ASH1L: variants seen among roughly 807,000 people sequenced by gnomAD.
The protein encoded by ASH1L is ASH1 like histone lysine methyltransferase, also known as histone-lysine N-methyltransferase ASH1L.
ASH1L carries 23 observed loss-of-function variants against 269.0 expected under a neutral mutation model. That is an observed-to-expected ratio of 0.09 (90% CI 0.06 to 0.12). ASH1L has a LOEUF of 0.12. ASH1L is among the 10% of genes least tolerant of loss of function. ASH1L has a pLI of 1.00. For missense variants in ASH1L, 2,912 were observed against 3,567.8 expected (o/e 0.82, Z 4.68); for synonymous variants, 1,187 against 1,253.5 (o/e 0.95, Z 1.12).
chr1:155,357,119 A>ACACACACACACAC (rs1558027201), intron 15 of ASH1L, among the ~76,000 whole-genome samples, 197 bp downstream of exon 15: 2 of 109,256 alleles, frequency 1.8e-5, no homozygotes, highest in South Asian at 3.7e-4. Context: ...ACACACACAC[A>ACACACACACACAC]AAAGGGTAAG....
intron 2 of ASH1L, among the ~76,000 whole-genome samples, chr1:155,518,898 C>A (rs1316601339): frequency 6.6e-6 from 1 of 152,024 alleles, no homozygotes; most frequent in East Asian, 1.9e-4. Context: ...TCAGAGAAAT[C>A]AAAAACTCAT....
chr1:155,525,691 C>A (rs1669203711), intron 1 of ASH1L, among the ~76,000 whole-genome samples: 2 of 152,102 alleles, frequency 1.3e-5, no homozygotes, highest in African/African-American at 4.8e-5. Context: ...TAAGCTTGCA[C>A]TGACCTGATC....
chr1:155,416,327 T>C (rs1467805409), intron 5 of ASH1L, among the ~76,000 whole-genome samples: 3 of 152,032 alleles, frequency 2.0e-5, no homozygotes, highest in Non-Finnish European at 4.4e-5. Context: ...CCATGTTGGC[T>C]AGGCTGGTCT....
chr1:155,561,059 A>G lies in ASH1L; in HGVS notation c.-100+1094T>C, dbSNP rs372532217. Among the ~76,000 whole-genome samples the G allele has an allele frequency of 4.8e-4, 72 of 151,422 alleles. No homozygotes were observed. The East Asian group carries it at 0.012, about 26-fold the overall frequency. On this transcript the variant is annotated intron_variant, in intron 1 of 27. Transcript: ENST00000392403. ...GTAGTAGTGAAAATATGGGAGTTACAGTTCCAACTTTGTCACCAATTTAAC... is the reference window on the plus strand; with the variant it reads ...GTAGTAGTGAAAATATGGGAGTTACGGTTCCAACTTTGTCACCAATTTAAC...
intron 3 of ASH1L, among the ~76,000 whole-genome samples, chr1:155,466,391 G>GT (rs891446747): frequency 6.6e-6 from 1 of 151,828 alleles, no homozygotes; most frequent in African/African-American, 2.4e-5. Context: ...CAAAAACTCT[G>GT]TTTTTTTCTC....
chr1:155,341,450 A>C (rs1372063332), intron 25 of ASH1L, among the ~76,000 whole-genome samples: 2 of 152,220 alleles, frequency 1.3e-5, no homozygotes, highest in Middle Eastern at 3.2e-3. Flanking sequence ...TGCTGGGATT[A>C]CAGGCGTGAG....
At chr1:155,399,102 T>A (rs185985367) in intron 6 of ASH1L, among the ~76,000 whole-genome samples, 3 of 152,242 alleles carry the variant, frequency 2.0e-5, no homozygotes, top group Non-Finnish European at 4.4e-5. Context: ...AGATATGAAA[T>A]TGATGAACCA....
chr1:155,537,375 T>C (rs1670129032), intron 1 of ASH1L, among the ~76,000 whole-genome samples: 1 of 152,216 alleles, frequency 6.6e-6, no homozygotes. Context: ...CTAGGCGCCA[T>C]ACACTATGCC....
chr1:155,498,296 G>A (rs1382038265), intron 2 of ASH1L, among the ~76,000 whole-genome samples: 1 of 152,004 alleles, frequency 6.6e-6, no homozygotes, highest in Non-Finnish European at 1.5e-5. Flanking sequence ...AAAAAAAACT[G>A]TAGAGAAGAA....
rs762521275 is a variant in ASH1L, at chr1:155,481,900, T to C, written c.970A>G (p.Lys324Glu). 5.6e-6 allele frequency: 9 copies of C among 1,614,078 alleles called. No homozygotes were observed. The highest frequency in any genetic ancestry group is 4.0e-5 in the African/African-American group (3 of 74,936). The change falls in exon 3 of 28, where the codon AAG becomes GAG. Residue 324 changes from lysine to glutamate, a missense_variant. Coordinates refer to ENST00000392403, the MANE Select transcript of ASH1L (RefSeq NM_018489.3). ...AVFINKNLGK[K>E]PGTITTVGLL... ...CCTACTGTAGTGATAGTTCCTGGCT[T>C]TTTGCCTAAGTTTTTATTAATGAAT...
intron 3 of ASH1L, among the ~76,000 whole-genome samples, chr1:155,477,526 G>A (rs1665649706): frequency 6.6e-6 from 1 of 151,690 alleles, no homozygotes; most frequent in Admixed American, 6.6e-5. Flanking sequence ...GGGTGGTGGG[G>A]GCAGGGGGTG....
intron 2 of ASH1L, among the ~76,000 whole-genome samples, chr1:155,498,027 C>T (rs1667271143): frequency 6.6e-6 from 1 of 152,150 alleles, no homozygotes; most frequent in African/African-American, 2.4e-5. Flanking sequence ...GCTGGGGTTA[C>T]AGGCGTGAGC....
In ASH1L at chr1:155,357,616, T is replaced by A; in HGVS notation, c.6929A>T (p.Lys2310Met). The A allele has an allele frequency of 6.2e-7, 1 of 1,614,166 alleles. No homozygotes were observed. The highest frequency in any genetic ancestry group is 1.3e-5 in the African/African-American group (1 of 75,034). The change falls in exon 14 of 28, where the codon AAG becomes ATG. Residue 2310 changes from lysine (K) to methionine (M), a missense_variant. Lys to Met is a moderately conservative substitution (Grantham distance 95). Transcript: ENST00000392403. ...THKKSGRSKE[K>M]RKSKHKLKKR... ...CTTCAGCTTGTGCTTAGACTTTCTC[T>A]TCTCTTTTGACCGTCCAGATTTTTT...
chr1:155,378,640 G>C (rs1190631716), intron 8 of ASH1L, 92 bp from the exon 9 acceptor site: 1 of 989,060 alleles, frequency 1.0e-6, no homozygotes, highest in Non-Finnish European at 1.5e-6. Context: ...AATTTTCTAT[G>C]TGCTCTGCTC....
intron 8 of ASH1L, 121 bp from the exon 9 acceptor site, chr1:155,378,669 G>A: frequency 1.3e-6 from 1 of 770,360 alleles, no homozygotes; most frequent in Non-Finnish European, 2.1e-6. Context: ...ATATTTACAA[G>A]ACATTTTGGG....
chr1:155,424,000 T>C (rs1172155071), intron 5 of ASH1L, among the ~76,000 whole-genome samples: 1 of 151,926 alleles, frequency 6.6e-6, no homozygotes, highest in Non-Finnish European at 1.5e-5. Flanking sequence ...GCTGGGATTA[T>C]AGGTGCGAGC....
In ASH1L at chr1:155,438,633, G is replaced by T; in HGVS notation, c.5522C>A (p.Thr1841Lys). The change falls in exon 5 of 28, where the codon ACA becomes AAA. Residue 1841 changes from threonine (T) to lysine (K), a missense_variant. Around this residue, in one of 13 missense-constraint regions of ASH1L, gnomAD observed 789 missense variants for 897.6 expected, o/e 0.88. Transcript: ENST00000392403. ...KAKKLQRQAR[T>K]GNNFVKRRPG... ...CCTACGTTTCACAAAGTTATTCCCT[G>T]TCCTGGCCTGCCTTTGAAGTTTTTT... The T allele has an allele frequency of 6.2e-7, 1 of 1,614,202 alleles. No individual in the cohort carries two copies. Among genetic ancestry groups the T allele is most frequent in the Non-Finnish European group, 8.5e-7 (1 of 1,180,042 alleles).
intron 2 of ASH1L, among the ~76,000 whole-genome samples, chr1:155,482,704 C>T (rs1304840941): frequency 6.6e-6 from 1 of 152,120 alleles, no homozygotes; most frequent in Admixed American, 6.6e-5. Context: ...TTAGAAATAT[C>T]CCTGATATTT....
intron 1 of ASH1L, among the ~76,000 whole-genome samples, chr1:155,523,600 G>A (rs1571060086): frequency 6.6e-6 from 1 of 152,208 alleles, no homozygotes; most frequent in Non-Finnish European, 1.5e-5. Context: ...GCCGGGTATG[G>A]TGTCTCATGC....
Sources: gnomAD v4.1 joint callset for allele counts (sites outside exome capture counted in the v4.1 genomes callset) on GRCh38, gnomAD v4.1.1 for gene constraint, gnomAD v4.1.1 regional missense constraint, MANE v1.5 for transcripts, NCBI Gene and HGNC (gene_info 2026-07-23, HGNC 2026-07-21) for gene names.